SIPA1L3: variants seen among roughly 807,000 people sequenced by gnomAD.
SIPA1L3 encodes the protein signal-induced proliferation-associated 1-like protein 3.
Under a neutral mutation model 150.1 loss-of-function variants are expected in SIPA1L3, and 59 were observed. The ratio of observed to expected loss-of-function variants is 0.39; its 90% CI spans 0.32 to 0.49. SIPA1L3 has a LOEUF of 0.49. Ranked by LOEUF, SIPA1L3 falls within the 20% of genes least tolerant of loss-of-function variation. The pLI, the probability that SIPA1L3 is intolerant of heterozygous loss-of-function variation, is 0.86. For synonymous variants in SIPA1L3, 1,070 were observed against 1,077.6 expected (o/e 0.99, Z 0.14); for missense variants, 2,211 against 2,489.5 (o/e 0.89, Z 2.38).
intron 14 of SIPA1L3, 69 bp downstream of exon 14, chr19:38,162,440 C>A: frequency 1.8e-6 from 2 of 1,118,118 alleles, no homozygotes; most frequent in South Asian, 1.3e-5. Context: ...CTGAGCTTCA[C>A]ACTTGAGCAC....
chr19:38,164,965 T>C lies in SIPA1L3; in HGVS notation c.4208+59T>C. ...CCTTCCACTTCGCCAGTTCTACTTT[T>C]ACGGTCCTGATGGTGGGGTTCTCCT... On this transcript the variant is annotated intron_variant, in intron 15 of 21. Coordinates refer to ENST00000222345, the MANE Select transcript of SIPA1L3 (RefSeq NM_015073.3). The surrounding 1 kb of genome is among the most constrained non-coding windows in gnomAD (Gnocchi z 4.1). The C allele has an allele frequency of 6.9e-7, 1 of 1,439,626 alleles. No homozygotes were observed. Among genetic ancestry groups the C allele is most frequent in the Middle Eastern group, 1.8e-4 (1 of 5,410 alleles). 89.2% of individuals were successfully genotyped at this position (1,439,626 alleles called of 1,614,324 possible). A position where few individuals can be genotyped will look rare whatever the true frequency, so the allele number is the denominator to read the frequency against.
In SIPA1L3 at chr19:38,046,941, G is replaced by A. The variant is rs914975582; in HGVS notation, c.-311+17785G>A. ...TGTGGCTGCCTAACAGCACCACCTG[G>A]GTGGTTGAGTGGCTCTTCCAGAGAC... On this transcript the variant is annotated intron_variant, in intron 2 of 21. Coordinates refer to ENST00000222345, the MANE Select transcript of SIPA1L3 (RefSeq NM_015073.3). The surrounding 1 kb of genome is among the most constrained non-coding windows in gnomAD (Gnocchi z 5.6). Among the ~76,000 whole-genome samples the A allele has an allele frequency of 6.6e-6, 1 of 152,192 alleles. No individual in the cohort carries two copies. Among genetic ancestry groups the A allele is most frequent in the Non-Finnish European group, 1.5e-5 (1 of 68,034 alleles).
intron 1 of SIPA1L3, among the ~76,000 whole-genome samples, chr19:37,965,343 G>A (rs367936152): frequency 2.8e-5 from 4 of 143,456 alleles, no homozygotes; most frequent in South Asian, 2.2e-4. Context: ...TTGAGAAGGC[G>A]TCTCCCTCTG....
intron 1 of SIPA1L3, among the ~76,000 whole-genome samples, chr19:38,008,217 CTTTTTTT>C (rs35422339): frequency 6.0e-5 from 3 of 50,126 alleles, no homozygotes; most frequent in South Asian, 1.0e-3. Flanking sequence ...CCATAGGCTG[CTTTTTTT>C]TTTTTTTTTT....
chr19:38,153,104 A>G, intron 13 of SIPA1L3, 137 bp downstream of exon 13: 15 of 1,155,884 alleles, frequency 1.3e-5, no homozygotes, highest in Non-Finnish European at 1.8e-5. Context: ...CGCCACATGT[A>G]AGACTAGAGA....
intron 18 of SIPA1L3, among the ~76,000 whole-genome samples, chr19:38,194,293 C>A (rs1349247582): frequency 6.6e-6 from 1 of 152,126 alleles, no homozygotes; most frequent in East Asian, 1.9e-4. Flanking sequence ...GCACACCACC[C>A]GCATCAAAAG....
intron 1 of SIPA1L3, among the ~76,000 whole-genome samples, chr19:37,998,208 C>A (rs1599882082): frequency 6.6e-6 from 1 of 152,118 alleles, no homozygotes; most frequent in African/African-American, 2.4e-5. Context: ...CTTGTTAAAC[C>A]TTTTTGGATT....
At chr19:37,944,541 G>A (rs2046692242) in intron 1 of SIPA1L3, among the ~76,000 whole-genome samples, 2 of 152,152 alleles carry the variant, frequency 1.3e-5, no homozygotes, top group Non-Finnish European at 2.9e-5. Context: ...CAACCTCATA[G>A]GCTTTTAAGG....
chr19:38,025,245 G>A (rs540947010), intron 1 of SIPA1L3, among the ~76,000 whole-genome samples: 186 of 152,330 alleles, frequency 1.2e-3, no homozygotes, highest in South Asian at 7.2e-3. Flanking sequence ...TTATCTCATG[G>A]GATTCTGTTC....
chr19:38,200,289 A>G (rs1358709262), intron 19 of SIPA1L3: 1 of 152,152 alleles, frequency 6.6e-6, no homozygotes, highest in African/African-American at 2.4e-5. Context: ...CTGAAGCAGG[A>G]GGATCGCTGG....
At chr19:37,933,018 G>A (rs573532069) in intron 1 of SIPA1L3, among the ~76,000 whole-genome samples, 3 of 148,812 alleles carry the variant, frequency 2.0e-5, no homozygotes, top group East Asian at 2.0e-4. Flanking sequence ...GCCTGAGTCC[G>A]CTTTCCTCTC....
intron 6 of SIPA1L3, among the ~76,000 whole-genome samples, chr19:38,103,901 CAAAAA>C (rs66888884): frequency 2.1e-5 from 2 of 96,288 alleles, no homozygotes; most frequent in Admixed American, 1.1e-4. Context: ...GACTCCATAT[CAAAAA>C]AAAAAAAAAA....
At chr19:38,088,677 T>G (rs568928841) in intron 3 of SIPA1L3, 44 bp from the exon 4 acceptor site, 1 of 1,600,914 alleles carries the variant, frequency 6.2e-7, no homozygotes, top group African/African-American at 1.3e-5. Flanking sequence ...GGGCCCCTCC[T>G]TCCCAGACAG....
intron 2 of SIPA1L3, among the ~76,000 whole-genome samples, chr19:38,055,351 C>T (rs1459684022): frequency 6.6e-6 from 1 of 152,210 alleles, no homozygotes; most frequent in Non-Finnish European, 1.5e-5. Context: ...CCCAGCATGT[C>T]ACTCTCAGCC....
intron 11 of SIPA1L3, 70 bp downstream of exon 11, chr19:38,141,505 T>C: frequency 6.8e-7 from 1 of 1,463,890 alleles, no homozygotes. Flanking sequence ...CGCCCCTCCC[T>C]CTCCTCACTA....
At chr19:38,050,879 C>G (rs961548103) in intron 2 of SIPA1L3, among the ~76,000 whole-genome samples, 1 of 151,910 alleles carries the variant, frequency 6.6e-6, no homozygotes, top group African/African-American at 2.4e-5. Context: ...GGCAACATGG[C>G]GAAACCCCAT....
chr19:37,981,042 T>A (rs961743284), intron 1 of SIPA1L3, among the ~76,000 whole-genome samples: 1 of 152,200 alleles, frequency 6.6e-6, no homozygotes. Context: ...CAGTTCCAAG[T>A]TGGCCACATA....
chr19:38,149,912 G>A (rs1037281538), intron 12 of SIPA1L3, among the ~76,000 whole-genome samples: 5 of 152,174 alleles, frequency 3.3e-5, no homozygotes, highest in African/African-American at 4.8e-5. Context: ...CAGACTTTCC[G>A]CCCTCCCCGG....
intron 1 of SIPA1L3, among the ~76,000 whole-genome samples, chr19:38,006,218 A>G (rs149506924): frequency 0.02 from 3,062 of 151,952 alleles, 60 homozygotes; most frequent in Non-Finnish European, 0.029. Context: ...TGGGGACTGT[A>G]TATAAAAAGA....
Sources: gnomAD v4.1 joint callset for allele counts (sites outside exome capture counted in the v4.1 genomes callset) on GRCh38, gnomAD v4.1.1 for gene constraint, Gnocchi (gnomAD v3.1) non-coding constraint, MANE v1.5 for transcripts, NCBI Gene and HGNC (gene_info 2026-07-23, HGNC 2026-07-21) for gene names.